Variants in UNC13C observed in about 807,000 individuals in gnomAD.
UNC13C encodes protein unc-13 homolog C.
Under a neutral mutation model 245.4 loss-of-function variants are expected in UNC13C, and 174 were observed. The ratio of observed to expected loss-of-function variants is 0.71; its 90% CI spans 0.63 to 0.80. The LOEUF (loss-of-function observed/expected upper bound fraction) is 0.80, where lower values mean the gene tolerates loss of function less well. Among genes scored for constraint, UNC13C ranks in the 30% least tolerant of loss-of-function variants. UNC13C has a pLI of 0.00. For missense variants in UNC13C, 2,829 were observed against 2,602.9 expected, an observed-to-expected ratio of 1.09 and a Z score of -1.89; for synonymous variants, 992 against 895.1, an observed-to-expected ratio of 1.11 and a Z score of -1.93.
At chr15:54,253,146 G>GC (rs2036195701) in intron 8 of UNC13C, among the ~76,000 whole-genome samples, 1 of 152,100 alleles carries the variant, frequency 6.6e-6, no homozygotes, top group African/African-American at 2.4e-5. Context: ...CTGACCAATG[G>GC]CCCATGCAAA....
At chr15:54,563,434 CCTAA>C (rs1177707187) in intron 29 of UNC13C, among the ~76,000 whole-genome samples, 2 of 151,946 alleles carry the variant, frequency 1.3e-5, no homozygotes, top group Non-Finnish European at 2.9e-5. Flanking sequence ...AATGACCTGT[CCTAA>C]CTGTTTTTTG....
intron 7 of UNC13C, among the ~76,000 whole-genome samples, chr15:54,239,015 A>C (rs2035781816): frequency 6.6e-6 from 1 of 152,130 alleles, no homozygotes; most frequent in African/African-American, 2.4e-5. Context: ...TGTTCCGGTA[A>C]ATGTGTCTTG....
At chr15:54,338,624 C>T in intron 17 of UNC13C, 135 bp downstream of exon 17, 1 of 965,974 alleles carries the variant, frequency 1.0e-6, no homozygotes, top group South Asian at 2.1e-5. Context: ...AATTTCCATA[C>T]CTTTTCTTCA....
the UNC13C span, among the ~76,000 whole-genome samples, chr15:53,960,198 C>T: frequency 6.4e-4 from 98 of 152,254 alleles, 1 homozygote; most frequent in African/African-American, 2.2e-3. Flanking sequence ...ATTGTCACCA[C>T]AGGCAATATG....
intron 1 of UNC13C, among the ~76,000 whole-genome samples, chr15:53,984,962 C>CT (rs938240248): frequency 3.6e-4 from 55 of 151,302 alleles, no homozygotes; most frequent in African/African-American, 1.0e-3. Context: ...TAGCGACTTT[C>CT]TTTTTTTTTA....
chr15:54,113,476 G>A (rs2029972342), intron 2 of UNC13C, among the ~76,000 whole-genome samples: 1 of 152,184 alleles, frequency 6.6e-6, no homozygotes, highest in Non-Finnish European at 1.5e-5. Flanking sequence ...AGTATTAGAA[G>A]CTGGTTAGGT....
chr15:53,929,156 T>C, the UNC13C span, among the ~76,000 whole-genome samples: 9 of 152,184 alleles, frequency 5.9e-5, no homozygotes, highest in South Asian at 2.1e-4. Flanking sequence ...TCTTACATGG[T>C]GGCAGGCAAG....
At chr15:54,186,971 C>T (rs1476482200) in intron 4 of UNC13C, among the ~76,000 whole-genome samples, 2 of 151,810 alleles carry the variant, frequency 1.3e-5, no homozygotes, top group Non-Finnish European at 2.9e-5. Context: ...GCCTCTGCCT[C>T]CCAAGTACCT....
In UNC13C at chr15:54,015,133, G is replaced by C; in HGVS notation, c.2230G>C (p.Ala744Pro). The change falls in exon 2 of 33, where the codon GCT becomes CCT. Residue 744 changes from alanine (A) to proline (P), a missense_variant. Physicochemically the swap from Ala to Pro is conservative, Grantham distance 27 (BLOSUM62 -1). Transcript: ENST00000260323. Reference sequence around the variant, plus strand: ...TGGCCAATATGATTCTTATCAGGGAGCTAATTCTAATGAGCTATACCAAAA... The same window carrying C: ...TGGCCAATATGATTCTTATCAGGGACCTAATTCTAATGAGCTATACCAAAA... ...WVGQYDSYQG[A>P]NSNELYQNQN... The C allele has an allele frequency of 6.2e-7, 1 of 1,612,446 alleles. No individual in the cohort carries two copies. The highest frequency in any genetic ancestry group is 8.5e-7 in the Non-Finnish European group (1 of 1,179,244).
chr15:54,393,725 G>A (rs927309381), intron 18 of UNC13C, among the ~76,000 whole-genome samples: 5 of 151,780 alleles, frequency 3.3e-5, no homozygotes, highest in Admixed American at 6.6e-5. Flanking sequence ...TTCTAGAAGA[G>A]ACCGTAAAAA....
At chr15:54,158,175 G>A (rs8039423) in intron 4 of UNC13C, among the ~76,000 whole-genome samples, 36,300 of 152,084 alleles carry the variant, frequency 0.24, 4,420 homozygotes, top group Admixed American at 0.29. Context: ...GCAACTTTTA[G>A]AACAGAAATT....
chr15:54,123,672 A>T (rs191320706), intron 2 of UNC13C, among the ~76,000 whole-genome samples: 8 of 152,224 alleles, frequency 5.3e-5, no homozygotes, highest in African/African-American at 1.9e-4. Context: ...GTTACATCTC[A>T]TTACGTAGAG....
At chr15:54,275,815 A>T (rs1246526169) in intron 10 of UNC13C, among the ~76,000 whole-genome samples, 1 of 152,154 alleles carries the variant, frequency 6.6e-6, no homozygotes, top group African/African-American at 2.4e-5. Context: ...ACAGATATTC[A>T]TAGCTGCTTT....
intron 4 of UNC13C, among the ~76,000 whole-genome samples, chr15:54,190,436 A>G (rs1333219964): frequency 6.6e-6 from 1 of 152,026 alleles, no homozygotes; most frequent in East Asian, 1.9e-4. Flanking sequence ...TTAATTTTGT[A>G]TCTTTTTAGT....
At chr15:54,425,383 A>C (rs540600846) in intron 19 of UNC13C, among the ~76,000 whole-genome samples, 2 of 151,958 alleles carry the variant, frequency 1.3e-5, no homozygotes, top group South Asian at 4.1e-4. Context: ...AGTGGTTTGC[A>C]AATGGGAGAA....
rs547392795 is a variant in UNC13C, at chr15:54,249,996, A to G, written c.3229-229A>G. ...AGTGAAGCCCAGTCCAGTCTGGAAG[A>G]TTAGGGAGTTCTTTGTGTACAGATA... On this transcript the variant is annotated intron_variant, in intron 7 of 32. Transcript: ENST00000260323. Among the ~76,000 whole-genome samples, 12 of 152,338 alleles carry G rather than the reference A, an allele frequency of 7.9e-5. No individual in the cohort carries two copies. The East Asian group carries it at 1.7e-3, about 22-fold the overall frequency.
intron 19 of UNC13C, among the ~76,000 whole-genome samples, chr15:54,424,529 G>A (rs1405497540): frequency 6.6e-6 from 1 of 151,862 alleles, no homozygotes; most frequent in Non-Finnish European, 1.5e-5. Flanking sequence ...AAATTGAGGA[G>A]AAGGGGAAAG....
intron 10 of UNC13C, among the ~76,000 whole-genome samples, chr15:54,280,753 TAC>T (rs2036968905): frequency 9.6e-6 from 1 of 103,838 alleles, no homozygotes; most frequent in Non-Finnish European, 2.0e-5. Flanking sequence ...TATACATATA[TAC>T]ACATACATAC....
chr15:54,506,173 G>C (rs1418683331), intron 22 of UNC13C, among the ~76,000 whole-genome samples: 1 of 152,126 alleles, frequency 6.6e-6, no homozygotes, highest in African/African-American at 2.4e-5. Context: ...CCTTAAGCAA[G>C]TTACAATGTC....
Sources: allele counts gnomAD v4.1 joint callset (sites outside exome capture counted in the v4.1 genomes callset), GRCh38; gene constraint gnomAD v4.1.1; transcripts MANE v1.5; gene names NCBI Gene and HGNC (gene_info 2026-07-23, HGNC 2026-07-21).